Variants in KALRN observed in about 807,000 individuals in gnomAD.
The protein encoded by KALRN is kalirin RhoGEF kinase.
KALRN carries 70 observed loss-of-function variants against 353.7 expected under a neutral mutation model. That is an observed-to-expected ratio of 0.20 (90% CI 0.16 to 0.24). KALRN has a LOEUF of 0.24. KALRN is among the 10% of genes least tolerant of loss of function. The pLI is 1.00. For synonymous variants in KALRN, 1,391 were observed against 1,434.8 expected, an observed-to-expected ratio of 0.97 and a Z score of 0.69; for missense variants, 2,791 against 3,756.7, an observed-to-expected ratio of 0.74 and a Z score of 6.72.
intron 34 of KALRN, among the ~76,000 whole-genome samples, chr3:124,595,774 G>A (rs1043664874): frequency 6.6e-6 from 1 of 152,130 alleles, no homozygotes; most frequent in Non-Finnish European, 1.5e-5. Flanking sequence ...AGAATTTCAT[G>A]TCTCTCCTGT....
At chr3:124,412,469 A>T (rs1357128966) in intron 13 of KALRN, among the ~76,000 whole-genome samples, 1 of 152,222 alleles carries the variant, frequency 6.6e-6, no homozygotes, top group Non-Finnish European at 1.5e-5. Context: ...GAGATAGCAG[A>T]TCTGAAAATC....
chr3:124,192,530 A>G lies in KALRN; in HGVS notation c.74-35460A>G, dbSNP rs572896091. Among the ~76,000 whole-genome samples, 308 of 152,294 alleles carry G rather than the reference A, an allele frequency of 2.0e-3. 1 individual carries two copies. Among genetic ancestry groups the G allele is most frequent in the African/African-American group, 6.9e-3 (288 of 41,564 alleles). On this transcript the variant is annotated intron_variant, in intron 1 of 59. Transcript: ENST00000682506. ...CATTTTAAAATAAAGAATATAATTG[A>G]ATTATTTGTAACTCGAAGGATAAAT... is the stretch of plus-strand genomic sequence containing the variant.
intron 58 of KALRN, 46 bp downstream of exon 58, chr3:124,713,181 G>A (rs376717179): frequency 1.9e-5 from 29 of 1,516,904 alleles, no homozygotes; most frequent in Admixed American, 3.9e-5. Flanking sequence ...ATCCATTTAG[G>A]TTAGCTTTTG....
At chr3:124,507,237 G>A (rs80057318) in intron 33 of KALRN, among the ~76,000 whole-genome samples, 29 of 152,082 alleles carry the variant, frequency 1.9e-4, no homozygotes, top group African/African-American at 6.0e-4. Flanking sequence ...AAATGAGAAC[G>A]GTCACGGTTC....
intron 29 of KALRN, among the ~76,000 whole-genome samples, chr3:124,489,261 C>G (rs867284276): frequency 3.9e-5 from 6 of 152,004 alleles, no homozygotes; most frequent in African/African-American, 1.4e-4. Flanking sequence ...GAGCTGAGAT[C>G]GCACCACTGC....
chr3:124,349,344 T>C (rs1180872478), intron 10 of KALRN, among the ~76,000 whole-genome samples: 1 of 152,216 alleles, frequency 6.6e-6, no homozygotes, highest in African/African-American at 2.4e-5. Flanking sequence ...AGCTATTGTT[T>C]AATGCAAGCT....
chr3:124,115,895 A>G (rs2063412944), intron 1 of KALRN, among the ~76,000 whole-genome samples: 1 of 152,174 alleles, frequency 6.6e-6, no homozygotes, highest in Non-Finnish European at 1.5e-5. Context: ...AACATTTCTC[A>G]CTGTGGGAGA....
intron 34 of KALRN, among the ~76,000 whole-genome samples, chr3:124,574,076 G>A (rs1488353372): frequency 2.6e-5 from 4 of 152,218 alleles, no homozygotes; most frequent in Non-Finnish European, 5.9e-5. Context: ...AAGAAGAGCA[G>A]GACAGAGAGG....
intron 33 of KALRN, among the ~76,000 whole-genome samples, chr3:124,532,487 G>A (rs376348869): frequency 2.6e-5 from 4 of 152,290 alleles, no homozygotes; most frequent in East Asian, 3.9e-4. Context: ...TGAAAAATGT[G>A]TTAGCCCAAT....
intron 1 of KALRN, among the ~76,000 whole-genome samples, chr3:124,175,401 T>C (rs544136710): frequency 6.6e-6 from 1 of 151,444 alleles, no homozygotes; most frequent in Admixed American, 6.6e-5. Context: ...CCAGGCCTAC[T>C]CTCCAGGATG....
Position 124,723,962 on chromosome 3 carries a change from A to G in KALRN, c.*4492A>G, listed in dbSNP as rs536883215. 4.6e-5 allele frequency: 7 copies of G among 152,310 alleles called. No individual in the cohort carries two copies. Among genetic ancestry groups the G allele is most frequent in the Admixed American group, 4.6e-4 (7 of 15,300 alleles). 9.4% of individuals were successfully genotyped at this position (152,310 alleles called of 1,614,324 possible). On this transcript the variant is annotated 3_prime_UTR_variant, in exon 60 of 60. Coordinates refer to ENST00000682506, the MANE Select transcript of KALRN (RefSeq NM_001388419.1). The stretch of plus-strand genomic sequence containing the variant: ...TCACAGGAATCTAAGAGACAAATTA[A>G]ATGCACAGGCAAATTAAATGCATAG...
At chr3:124,121,231 T>C (rs1237835553) in intron 1 of KALRN, among the ~76,000 whole-genome samples, 1 of 152,146 alleles carries the variant, frequency 6.6e-6, no homozygotes, top group Non-Finnish European at 1.5e-5. Flanking sequence ...ACAGTACTTC[T>C]ATTAGTAGAC....
chr3:124,518,538 A>G (rs1488416742), intron 33 of KALRN: 3 of 1,611,856 alleles, frequency 1.9e-6, no homozygotes, highest in Admixed American at 3.3e-5. Flanking sequence ...CAGGACTCCA[A>G]TCACCCACCT....
At chr3:124,360,587 C>T (rs2083922230) in intron 10 of KALRN, among the ~76,000 whole-genome samples, 1 of 152,160 alleles carries the variant, frequency 6.6e-6, no homozygotes, top group African/African-American at 2.4e-5. Context: ...TCTCAGAGAG[C>T]ATTGGCATGG....
chr3:124,290,845 T>C (rs1264645889), intron 5 of KALRN, among the ~76,000 whole-genome samples: 1 of 152,216 alleles, frequency 6.6e-6, no homozygotes, highest in Non-Finnish European at 1.5e-5. Flanking sequence ...GTCATCATCA[T>C]TGATGTTATG....
At chr3:124,117,419 A>C (rs993875698) in intron 1 of KALRN, among the ~76,000 whole-genome samples, 6 of 152,270 alleles carry the variant, frequency 3.9e-5, no homozygotes, top group Non-Finnish European at 7.3e-5. Context: ...TCTCTGGAGA[A>C]GACAGAATTG....
chr3:124,657,989 A>G (rs2084298547), intron 41 of KALRN, among the ~76,000 whole-genome samples, 186 bp downstream of exon 41: 1 of 152,094 alleles, frequency 6.6e-6, no homozygotes, highest in Non-Finnish European at 1.5e-5. Flanking sequence ...CCCCATCTCT[A>G]CGAAGAATTT....
At chr3:124,121,670 TGAA>T (rs2064042103) in intron 1 of KALRN, among the ~76,000 whole-genome samples, 1 of 152,210 alleles carries the variant, frequency 6.6e-6, no homozygotes, top group African/African-American at 2.4e-5. Context: ...TATTTCTACT[TGAA>T]GAAACAATTT....
chr3:124,236,129 A>G (rs887915758), intron 3 of KALRN, among the ~76,000 whole-genome samples: 2 of 151,604 alleles, frequency 1.3e-5, no homozygotes, highest in Admixed American at 6.6e-5. Context: ...GAACAAGTAG[A>G]TGCTGAATAG....
Sources: gnomAD v4.1 joint callset for allele counts (sites outside exome capture counted in the v4.1 genomes callset) on GRCh38, gnomAD v4.1.1 for gene constraint, MANE v1.5 for transcripts, NCBI Gene and HGNC (gene_info 2026-07-23, HGNC 2026-07-21) for gene names.